The following CLRN3 variants were observed in gnomAD, a reference collection of about 807,000 sequenced individuals.
CLRN3 encodes the protein clarin 3, also known as clarin-3.
A neutral mutation model predicts 16.7 loss-of-function variants in CLRN3; 12 were observed. The ratio of observed to expected loss-of-function variants is 0.72; its 90% CI spans 0.46 to 1.16. The LOEUF (loss-of-function observed/expected upper bound fraction) is 1.16, where lower values mean the gene tolerates loss of function less well. Ranked by LOEUF, CLRN3 falls within the 50% of genes most tolerant of loss-of-function variation. The pLI, the probability that CLRN3 is intolerant of heterozygous loss-of-function variation, is 0.00. For missense variants in CLRN3, 296 were observed against 274.2 expected (o/e 1.08, Z -0.56); for synonymous variants, 118 against 113.0 (o/e 1.04, Z -0.28).
chr10:127,889,482 G>T (rs1240253575), intron 1 of CLRN3, among the ~76,000 whole-genome samples: 2 of 151,964 alleles, frequency 1.3e-5, no homozygotes, highest in East Asian at 1.9e-4. Context: ...AAATTAGCCG[G>T]GTGTTGTAGT....
intron 2 of CLRN3, 65 bp from the exon 3 acceptor site, chr10:127,878,485 T>A: frequency 1.3e-6 from 2 of 1,589,100 alleles, no homozygotes; most frequent in Admixed American, 3.4e-5. Context: ...CTTATCTTTA[T>A]GGAACACATA....
chr10:127,881,583 G>A (rs867313738), intron 2 of CLRN3, among the ~76,000 whole-genome samples: 114 of 152,294 alleles, frequency 7.5e-4, no homozygotes, highest in African/African-American at 2.4e-3. Context: ...GGGAAGGGCC[G>A]ATTCCAGCCC....
Position 127,892,888 on chromosome 10 carries a change from A to C in CLRN3, c.-104T>G, listed in dbSNP as rs1044584268. The C allele has an allele frequency of 1.5e-6, 1 of 678,910 alleles. No homozygotes were observed. The allele number at this position is 678,910 out of a possible 1,614,324, so 42.1% of individuals were successfully genotyped here. ...CTGGTATTTAGAAATGGAGTCTAACACTTTATTGTCAAATATAAAATCTCA... is the reference window on the plus strand; with the variant it reads ...CTGGTATTTAGAAATGGAGTCTAACCCTTTATTGTCAAATATAAAATCTCA... On this transcript the variant is annotated 5_prime_UTR_variant, in exon 1 of 3. Coordinates refer to ENST00000368671, the MANE Select transcript of CLRN3 (RefSeq NM_152311.5).
intron 1 of CLRN3, among the ~76,000 whole-genome samples, chr10:127,886,002 G>A (rs537903898): frequency 6.6e-5 from 10 of 152,108 alleles, no homozygotes; most frequent in Admixed American, 3.9e-4. Flanking sequence ...TGATCTGCCC[G>A]CCTTGGCCTA....
At chr10:127,879,891 C>A (rs1042496428) in intron 2 of CLRN3, among the ~76,000 whole-genome samples, 1 of 152,088 alleles carries the variant, frequency 6.6e-6, no homozygotes, top group Non-Finnish European at 1.5e-5. Flanking sequence ...GCACGGGGGC[C>A]GCCAGGGGAT....
chr10:127,881,179 A>G (rs894268470), intron 2 of CLRN3, among the ~76,000 whole-genome samples: 2 of 152,138 alleles, frequency 1.3e-5, no homozygotes, highest in African/African-American at 4.8e-5. Flanking sequence ...TTTTCTGCCC[A>G]CCTCACAGCC....
chr10:127,892,824 T>C lies in CLRN3; in HGVS notation c.-40A>G. 2 of 1,164,954 alleles carry C rather than the reference T, an allele frequency of 1.7e-6. No homozygotes were observed. The highest frequency in any genetic ancestry group is 2.6e-6 in the Non-Finnish European group (2 of 782,772). The allele number at this position is 1,164,954 out of a possible 1,614,324, so 72.2% of individuals were successfully genotyped here. A position where few individuals can be genotyped will look rare whatever the true frequency, so the allele number is the denominator to read the frequency against. ...AAGTTCTCTAGGACAAAAAAAGGAA[T>C]ATCTTCTTATAACACTTTTGAACCT... On this transcript the variant is annotated 5_prime_UTR_variant, in exon 1 of 3. In the 5' UTR this introduces an upstream ATG that the reference lacks. Coordinates refer to ENST00000368671, the MANE Select transcript of CLRN3 (RefSeq NM_152311.5).
At chr10:127,885,237 C>A (rs865999781) in intron 1 of CLRN3, among the ~76,000 whole-genome samples, 1 of 152,138 alleles carries the variant, frequency 6.6e-6, no homozygotes, top group African/African-American at 2.4e-5. Context: ...AGGCAGGAGA[C>A]CCCAGGGTGC....
At chr10:127,890,338 C>T (rs1395137604) in intron 1 of CLRN3, among the ~76,000 whole-genome samples, 1 of 152,214 alleles carries the variant, frequency 6.6e-6, no homozygotes, top group Non-Finnish European at 1.5e-5. Flanking sequence ...TCCAGTTACA[C>T]ACTGGAGGAT....
At chr10:127,883,021 C>G (rs1033022400) in intron 2 of CLRN3, among the ~76,000 whole-genome samples, 1 of 152,210 alleles carries the variant, frequency 6.6e-6, no homozygotes, top group Non-Finnish European at 1.5e-5. Context: ...AAAGCTGGGA[C>G]CCGCTTCCCA....
Position 127,892,601 on chromosome 10 carries a change from C to T in CLRN3, c.184G>A (p.Glu62Lys). The T allele has an allele frequency of 1.2e-6, 2 of 1,612,770 alleles. No homozygotes were observed. Among genetic ancestry groups the T allele is most frequent in the African/African-American group, 1.3e-5 (1 of 75,032 alleles). Residue 62 changes from glutamate to lysine, a missense_variant, in exon 1 of 3, where the codon GAA becomes AAA. By Grantham distance (56) the Glu-to-Lys change is moderately conservative. Coordinates refer to ENST00000368671, the MANE Select transcript of CLRN3 (RefSeq NM_152311.5). ...TCTGCAAGTCCGTGACTCAATTCTTCACTACTCTCCCCACGAAAAAGTCCG... is the reference window on the plus strand; with the variant it reads ...TCTGCAAGTCCGTGACTCAATTCTTTACTACTCTCCCCACGAAAAAGTCCG... ...TYGLFRGESSEELSHGLAEPK... is the reference protein window; with the variant it reads ...TYGLFRGESSKELSHGLAEPK...
chr10:127,881,264 C>A (rs890471178), intron 2 of CLRN3, among the ~76,000 whole-genome samples: 3 of 152,228 alleles, frequency 2.0e-5, no homozygotes, highest in African/African-American at 4.8e-5. Context: ...TCCAACAATT[C>A]TTTGTGGATA....
At chr10:127,882,049 A>G (rs1845134479) in intron 2 of CLRN3, among the ~76,000 whole-genome samples, 3 of 152,312 alleles carry the variant, frequency 2.0e-5, no homozygotes, top group South Asian at 2.1e-4. Flanking sequence ...ACTGGGGTGA[A>G]CCATCATCAT....
At chr10:127,891,723 C>T (rs1007888838) in intron 1 of CLRN3, among the ~76,000 whole-genome samples, 2 of 152,186 alleles carry the variant, frequency 1.3e-5, no homozygotes, top group Non-Finnish European at 2.9e-5. Context: ...CTAAACATTA[C>T]ATGTGTATAA....
At chr10:127,878,822 G>T (rs777591386) in intron 2 of CLRN3, among the ~76,000 whole-genome samples, 1 of 152,150 alleles carries the variant, frequency 6.6e-6, no homozygotes, top group Non-Finnish European at 1.5e-5. Flanking sequence ...GGAAGAAGCC[G>T]CCTTAAAAAG....
intron 1 of CLRN3, among the ~76,000 whole-genome samples, chr10:127,886,273 G>A (rs932422483): frequency 2.0e-5 from 3 of 152,182 alleles, no homozygotes; most frequent in Admixed American, 6.5e-5. Context: ...AATTCTATTT[G>A]TTCACTATTG....
intron 1 of CLRN3, among the ~76,000 whole-genome samples, chr10:127,889,373 C>A (rs1378729566): frequency 6.6e-6 from 1 of 152,064 alleles, no homozygotes; most frequent in Non-Finnish European, 1.5e-5. Flanking sequence ...CCTGTAATTC[C>A]AGCACTTTGG....
chr10:127,886,647 G>T (rs749954366), intron 1 of CLRN3, among the ~76,000 whole-genome samples: 1 of 152,244 alleles, frequency 6.6e-6, no homozygotes. Flanking sequence ...ATGGCCGCAT[G>T]TGCCTTGAAA....
At chr10:127,885,546 T>C (rs1002869834) in intron 1 of CLRN3, among the ~76,000 whole-genome samples, 3 of 152,134 alleles carry the variant, frequency 2.0e-5, no homozygotes, top group African/African-American at 4.8e-5. Flanking sequence ...CTCCTACACA[T>C]ACTTTATTCT....
Sources: allele counts gnomAD v4.1 joint callset (sites outside exome capture counted in the v4.1 genomes callset), GRCh38; gene constraint gnomAD v4.1.1; transcripts MANE v1.5; gene names NCBI Gene and HGNC (gene_info 2026-07-23, HGNC 2026-07-21).